The following MED12L variants were observed in gnomAD, a reference collection of about 807,000 sequenced individuals.
MED12L encodes the protein mediator complex subunit 12L, also known as mediator of RNA polymerase II transcription subunit 12-like protein.
MED12L carries 60 observed loss-of-function variants against 281.3 expected under a neutral mutation model. That is an observed-to-expected ratio of 0.21 (90% CI 0.17 to 0.26). MED12L has a LOEUF of 0.26. Ranked by LOEUF, MED12L falls within the 10% of genes least tolerant of loss-of-function variation. The pLI is 1.00. For missense variants in MED12L, 2,146 were observed against 2,680.9 expected (o/e 0.80, Z 4.41); for synonymous variants, 974 against 987.2 (o/e 0.99, Z 0.25).
chr3:151,129,180 CCAG>C (rs1714976450), intron 5 of MED12L, among the ~76,000 whole-genome samples: 2 of 152,150 alleles, frequency 1.3e-5, no homozygotes, highest in African/African-American at 4.8e-5. Context: ...TCTTCAGATG[CCAG>C]GTGGTGCCCT....
At chr3:151,215,811 T>G (rs370252529) in intron 16 of MED12L, among the ~76,000 whole-genome samples, 1 of 152,338 alleles carries the variant, frequency 6.6e-6, no homozygotes, top group East Asian at 1.9e-4. Flanking sequence ...TGCCTCCTGC[T>G]TCCTCCACCC....
intron 16 of MED12L, among the ~76,000 whole-genome samples, chr3:151,209,288 G>A (rs1487614490): frequency 6.6e-6 from 1 of 152,028 alleles, no homozygotes; most frequent in Non-Finnish European, 1.5e-5. Context: ...GCACTTTCTT[G>A]TTTGTTTTTT....
At chr3:151,089,859 C>T (rs757270689) in intron 2 of MED12L, among the ~76,000 whole-genome samples, 1 of 152,192 alleles carries the variant, frequency 6.6e-6, no homozygotes, top group Non-Finnish European at 1.5e-5. Context: ...AACTGGCAGT[C>T]ATCCTTGAGA....
chr3:151,109,922 T>A (rs140568631), intron 2 of MED12L, among the ~76,000 whole-genome samples: 2 of 152,296 alleles, frequency 1.3e-5, no homozygotes, highest in Admixed American at 1.3e-4. Context: ...TGACTAACTG[T>A]TGTGTGTGCC....
intron 33 of MED12L, among the ~76,000 whole-genome samples, chr3:151,383,556 G>A (rs1358919803): frequency 3.9e-5 from 6 of 152,148 alleles, no homozygotes; most frequent in African/African-American, 1.4e-4. Flanking sequence ...AGATACTCAC[G>A]TCCCTTCTTC....
At chr3:151,382,601 T>C (rs1230548539) in intron 32 of MED12L, 55 bp from the exon 33 acceptor site, 6 of 1,299,408 alleles carry the variant, frequency 4.6e-6, no homozygotes, top group Non-Finnish European at 6.5e-6. Context: ...GCTCAATTTA[T>C]CTTTAAATGA....
At chr3:151,185,538 C>T in intron 12 of MED12L, 77 bp downstream of exon 12, 3 of 1,484,482 alleles carry the variant, frequency 2.0e-6, no homozygotes, top group South Asian at 1.3e-5. Context: ...TTTTCTCTTA[C>T]CCTCATTATG....
At chr3:151,334,186 T>A (rs547219308) in intron 16 of MED12L, among the ~76,000 whole-genome samples, 3 of 75,616 alleles carry the variant, frequency 4.0e-5, no homozygotes, top group Non-Finnish European at 7.5e-5. Flanking sequence ...TGTTTTTTCT[T>A]TCTTTCTTTC....
chr3:151,281,628 A>G (rs1742827074), intron 16 of MED12L, among the ~76,000 whole-genome samples: 3 of 152,176 alleles, frequency 2.0e-5, no homozygotes, highest in Admixed American at 2.0e-4. Context: ...GTTTTGATTT[A>G]TGCTAAATAG....
intron 42 of MED12L, among the ~76,000 whole-genome samples, chr3:151,414,214 GT>G (rs1717294015): frequency 6.6e-6 from 1 of 152,158 alleles, no homozygotes; most frequent in African/African-American, 2.4e-5. Flanking sequence ...ATGTTTACCT[GT>G]GTCATTTGTC....
intron 16 of MED12L, among the ~76,000 whole-genome samples, chr3:151,235,072 T>C (rs768424963): frequency 1.1e-4 from 16 of 152,222 alleles, no homozygotes; most frequent in African/African-American, 3.6e-4. Context: ...ACTTAGTGCC[T>C]TTGGCAGGCA....
chr3:151,213,419 G>A, intron 16 of MED12L: 2 of 1,614,080 alleles, frequency 1.2e-6, no homozygotes, highest in African/African-American at 1.3e-5. Flanking sequence ...CTAAACGGCT[G>A]GCATAGAAAG....
At chr3:151,366,041 G>C in intron 23 of MED12L, 50 bp downstream of exon 23, 1 of 1,384,546 alleles carries the variant, frequency 7.2e-7, no homozygotes, top group Non-Finnish European at 9.6e-7. Context: ...TAAATATTTA[G>C]TTAGTGGGTA....
chr3:151,109,334 G>A (rs1043862384), intron 2 of MED12L, among the ~76,000 whole-genome samples: 4 of 152,202 alleles, frequency 2.6e-5, no homozygotes, highest in Admixed American at 6.5e-5. Flanking sequence ...GTGAGCCACC[G>A]CACTGGGCCG....
Position 151,135,640 on chromosome 3 carries a change from G to A in MED12L, c.556+7656G>A, listed in dbSNP as rs116050999. Among the ~76,000 whole-genome samples, 10 of 152,160 alleles carry A rather than the reference G, an allele frequency of 6.6e-5. 1 individual carries two copies. Among genetic ancestry groups the A allele is most frequent in the Non-Finnish European group, 1.3e-4 (9 of 68,032 alleles). ...CTAGAGTGCCTGCTCCTCACTCCTC[G>A]CTGTGAGGTGATAGCTGCTGGTGGC... On this transcript the variant is annotated intron_variant, in intron 5 of 44. Transcript: ENST00000687756.
At chr3:151,153,545 A>G (rs907539239) in intron 5 of MED12L, among the ~76,000 whole-genome samples, 3 of 140,214 alleles carry the variant, frequency 2.1e-5, no homozygotes, top group Non-Finnish European at 4.6e-5. Context: ...ATCTGTATGT[A>G]TCCGTTTCTG....
At chr3:151,430,460 T>A in intron 44 of MED12L, 80 bp downstream of exon 44, 1 of 1,593,352 alleles carries the variant, frequency 6.3e-7, no homozygotes, top group South Asian at 1.1e-5. Context: ...GTGGCGGCTC[T>A]CCCAAGATGG....
rs1351550660 is a variant in MED12L, at chr3:151,411,405, A to G, written c.6038A>G (p.Asn2013Ser). The G allele has an allele frequency of 3.1e-6, 5 of 1,613,806 alleles. No individual in the cohort carries two copies. The African/African-American group carries it at 5.3e-5, about 17-fold the overall frequency. Residue 2013 changes from asparagine (N) to serine (S), a missense_variant, in exon 41 of 45, where the codon AAC becomes AGC. Around this residue, in one of 9 missense-constraint regions of MED12L, gnomAD observed 496 missense variants for 512.0 expected, o/e 0.97. Transcript: ENST00000687756. ...NSRAYPAAHS[N>S]PVLMERLRQI... ...AGAGCCTATCCGGCCGCACATTCCA[A>G]CCCCGTGCTAATGGAAAGACTCAGA...
At chr3:151,170,830 G>A (rs1450202449) in intron 11 of MED12L, among the ~76,000 whole-genome samples, 1 of 152,136 alleles carries the variant, frequency 6.6e-6, no homozygotes, top group Admixed American at 6.6e-5. Context: ...GGAATGAGTC[G>A]GGGGATGCTA....
Sources: allele counts gnomAD v4.1 joint callset (sites outside exome capture counted in the v4.1 genomes callset), GRCh38; gene constraint gnomAD v4.1.1; regional missense constraint gnomAD v4.1.1; transcripts MANE v1.5; gene names NCBI Gene and HGNC (gene_info 2026-07-23, HGNC 2026-07-21).